The following NDRG2 variants were observed in gnomAD, a reference collection of about 807,000 sequenced individuals.
NDRG2 encodes NDRG family member 2, also known as protein NDRG2.
Under a neutral mutation model 58.2 loss-of-function variants are expected in NDRG2, and 34 were observed. The observed-to-expected ratio is 0.58, with a 90% CI of 0.44 to 0.78. NDRG2 has a LOEUF of 0.78. Ranked by LOEUF, NDRG2 falls within the 30% of genes least tolerant of loss-of-function variation. NDRG2 has a pLI of 0.00. For missense variants in NDRG2, 434 were observed against 471.2 expected, an observed-to-expected ratio of 0.92 and a Z score of 0.73; for synonymous variants, 187 against 175.9, an observed-to-expected ratio of 1.06 and a Z score of -0.50.
rs147370772 is a variant in NDRG2, at chr14:21,018,476, G to A, written c.842C>T (p.Thr281Ile). ...ACTGACCTTGAGGAACGAGGTCTGGGTGGGGTCCAGTTTTGAGTTACATTC... is the reference window on the plus strand; with the variant it reads ...ACTGACCTTGAGGAACGAGGTCTGGATGGGGTCCAGTTTTGAGTTACATTC... ...VVECNSKLDPTQTSFLKMADS... is the reference protein window; with the variant it reads ...VVECNSKLDPIQTSFLKMADS... Residue 281 changes from threonine to isoleucine, a missense_variant, in exon 13 of 16, where the codon ACC (threonine) becomes ATC (isoleucine). Coordinates refer to ENST00000556147, the MANE Select transcript of NDRG2 (RefSeq NM_001320329.2). 21 of 1,613,960 alleles carry A rather than the reference G, an allele frequency of 1.3e-5. No individual in the cohort carries two copies. The highest frequency in any genetic ancestry group is 1.6e-5 in the Non-Finnish European group (19 of 1,179,990).
chr14:21,030,671 C>G, upstream of NDRG2: 1 of 1,614,158 alleles, frequency 6.2e-7, no homozygotes, highest in Non-Finnish European at 8.5e-7. Flanking sequence ...ACAAGAACTT[C>G]TCCAAGCTGT....
At chr14:21,043,261 G>A in intron 1 of NDRG2, 6 of 1,614,198 alleles carry the variant, frequency 3.7e-6, no homozygotes, top group Non-Finnish European at 5.1e-6. Flanking sequence ...AAAATAGCCT[G>A]CAAGAATGGC....
In NDRG2 at chr14:21,070,077, A is replaced by C. The variant is rs1886562831; in HGVS notation, c.24+751T>G. On this transcript the variant is annotated intron_variant, in intron 1 of 14. Coordinates refer to the NDRG2 transcript ENST00000403829. This position sits in a 1 kb window ranked among gnomAD's most constrained non-coding sequence, Gnocchi z 4.7. Reference sequence around the variant, plus strand: ...CGCTGGAGGGCGGGGCGGAGAAGAAAGAAGGTTGCCGGTGAACGGGACGGA... The same window carrying C: ...CGCTGGAGGGCGGGGCGGAGAAGAACGAAGGTTGCCGGTGAACGGGACGGA... Among the ~76,000 whole-genome samples the C allele has an allele frequency of 6.6e-6, 1 of 151,900 alleles. No homozygotes were observed. The highest frequency in any genetic ancestry group is 1.5e-5 in the Non-Finnish European group (1 of 67,922).
intron 1 of NDRG2, chr14:21,036,139 C>A (rs1884609923): frequency 2.2e-6 from 1 of 454,876 alleles, no homozygotes; most frequent in Non-Finnish European, 4.4e-6. Context: ...ACAGCCCTGA[C>A]AATCTTAAAC....
chr14:21,043,596 C>T (rs575370435), intron 1 of NDRG2: 11 of 662,122 alleles, frequency 1.7e-5, no homozygotes, highest in Middle Eastern at 4.1e-4. Context: ...TGCTGGGAGG[C>T]TGAAGCTGAC....
rs1850099760 is a variant in NDRG2, at chr14:21,019,990, G to A, written c.556-14C>T. The A allele has an allele frequency of 1.2e-6, 2 of 1,612,760 alleles. No individual in the cohort carries two copies. Among genetic ancestry groups the A allele is most frequent in the Non-Finnish European group, 1.7e-6 (2 of 1,179,654 alleles). ...GAGGCCTGTTAGCTATGAGGAGAAG[G>A]CAGGTGAGAAAGTTCAGGGTATTGG... is the stretch of plus-strand genomic sequence containing the variant. On this transcript the variant is annotated splice_polypyrimidine_tract_variant and intron_variant, in intron 8 of 15. Transcript: ENST00000556147.
intron 1 of NDRG2, among the ~76,000 whole-genome samples, chr14:21,062,735 G>GTGTGTGTGTGTGTGTGTGTGTGTA: frequency 6.6e-6 from 1 of 150,998 alleles, no homozygotes; most frequent in South Asian, 2.1e-4. Context: ...GTGTGTGTGT[G>GTGTGTGTGTGTGTGTGTGTGTGTA]TGTGTGTGTG....
In NDRG2 at chr14:21,024,587, C is replaced by G. The variant is rs893597196; in HGVS notation, c.-564G>C. The stretch of plus-strand genomic sequence containing the variant: ...CACAAAGATTGGTGCCGTCGCTTCT[C>G]TCCTCTACTCAGTCTCCGTGTAGGT... On this transcript the variant is annotated 5_prime_UTR_variant, in exon 1 of 16. Transcript: ENST00000556147. 1.0e-6 allele frequency: 1 copy of G among 985,492 alleles called. No homozygotes were observed. Among genetic ancestry groups the G allele is most frequent in the South Asian group, 4.7e-5 (1 of 21,290 alleles). 61.0% of individuals were successfully genotyped at this position (985,492 alleles called of 1,614,324 possible).
chr14:21,031,049 A>C (rs1884074444), intron 1 of NDRG2: 1 of 1,613,880 alleles, frequency 6.2e-7, no homozygotes, highest in South Asian at 1.1e-5. Flanking sequence ...TCAACAGTTC[A>C]AAGAGGCAGT....
At chr14:21,058,103 C>T (rs749038916) in intron 1 of NDRG2, 2 of 1,614,164 alleles carry the variant, frequency 1.2e-6, no homozygotes, top group East Asian at 2.2e-5. Flanking sequence ...CAACACCTTC[C>T]TGCACGAGCC....
At chr14:21,049,545 T>C (rs1885370277) in intron 1 of NDRG2, among the ~76,000 whole-genome samples, 1 of 152,028 alleles carries the variant, frequency 6.6e-6, no homozygotes, top group Non-Finnish European at 1.5e-5. Context: ...CCAGTAGTAA[T>C]CATAACATTA....
At chr14:21,058,092 T>A in intron 1 of NDRG2, 1 of 1,614,038 alleles carries the variant, frequency 6.2e-7, no homozygotes, top group South Asian at 1.1e-5. Context: ...TGCAAAGACC[T>A]CAACACCTTC....
chr14:21,052,401 A>G (rs2139138267), intron 1 of NDRG2, among the ~76,000 whole-genome samples: 1 of 152,352 alleles, frequency 6.6e-6, no homozygotes, highest in Non-Finnish European at 1.5e-5. Flanking sequence ...AAAGGAGGTT[A>G]GGATTTGTAC....
chr14:21,050,925 C>T (rs1422293021), intron 1 of NDRG2, among the ~76,000 whole-genome samples: 1 of 152,134 alleles, frequency 6.6e-6, no homozygotes, highest in Admixed American at 6.5e-5. Context: ...CTTTCTGAAA[C>T]TTTTATATAC....
At chr14:21,022,221 C>G in intron 4 of NDRG2, 39 bp from the exon 5 acceptor site, 2 of 1,613,966 alleles carry the variant, frequency 1.2e-6, no homozygotes, top group African/African-American at 1.3e-5. Flanking sequence ...TAGAATCAGA[C>G]AGGGACTCGT....
intron 8 of NDRG2, 144 bp from the exon 9 acceptor site, chr14:21,020,120 C>A (rs1217394886): frequency 3.0e-6 from 2 of 669,758 alleles, no homozygotes; most frequent in Non-Finnish European, 5.4e-6. Flanking sequence ...ATGGTGAAAC[C>A]CCATCTCTAC....
Position 21,017,718 on chromosome 14 carries a change from AG to A in NDRG2, c.993del (p.Ser332LeufsTer2), listed in dbSNP as rs772708014. 6.2e-7 allele frequency: 1 copy of A among 1,604,352 alleles called. No individual in the cohort carries two copies. The highest frequency in any genetic ancestry group is 2.2e-5 in the East Asian group (1 of 44,484). On this transcript the variant is annotated frameshift_variant, in exon 16 of 16. Coordinates refer to ENST00000556147, the MANE Select transcript of NDRG2 (RefSeq NM_001320329.2). LOFTEE classifies it high-confidence loss of function. ...CMTRLSRSRT[A>X]SLTSAASVDG... The stretch of plus-strand genomic sequence containing the variant: ...TCAACGGATGCTGCACTGGTCAGAG[AG>A]GCTGTACGAGACCGGGACAGGCGAG...
At chr14:21,058,904 A>G (rs1236350641) in intron 1 of NDRG2, among the ~76,000 whole-genome samples, 1 of 149,704 alleles carries the variant, frequency 6.7e-6, no homozygotes, top group East Asian at 2.0e-4. Flanking sequence ...TGGAGCTCCA[A>G]TTCCAAGGCC....
At chr14:21,034,153 T>C (rs1884454201) in intron 1 of NDRG2, 1 of 1,614,042 alleles carries the variant, frequency 6.2e-7, no homozygotes, top group South Asian at 1.1e-5. Context: ...CGGAAACCCT[T>C]TGGGTAGTTA....
Sources: allele counts gnomAD v4.1 joint callset (sites outside exome capture counted in the v4.1 genomes callset), GRCh38; gene constraint gnomAD v4.1.1; non-coding constraint Gnocchi (gnomAD v3.1); transcripts MANE v1.5; gene names NCBI Gene and HGNC (gene_info 2026-07-23, HGNC 2026-07-21).